BCO1: variants seen among roughly 807,000 people sequenced by gnomAD.
BCO1 encodes the protein beta,beta-carotene 15,15'-dioxygenase.
Under a neutral mutation model 56.3 loss-of-function variants are expected in BCO1, and 54 were observed. The observed-to-expected ratio is 0.96, with a 90% CI of 0.77 to 1.20. BCO1 has a LOEUF of 1.20. BCO1 is among the 50% of genes most tolerant of loss of function. The pLI, the probability that BCO1 is intolerant of heterozygous loss-of-function variation, is 0.00. For missense variants in BCO1, 801 were observed against 690.9 expected, an observed-to-expected ratio of 1.16 and a Z score of -1.79; for synonymous variants, 318 against 266.1, an observed-to-expected ratio of 1.20 and a Z score of -1.90.
At chr16:81,239,220 T>G (rs557482948) in intron 1 of BCO1, among the ~76,000 whole-genome samples, 4 of 151,980 alleles carry the variant, frequency 2.6e-5, no homozygotes, top group Admixed American at 6.6e-5. Flanking sequence ...TTTCAGCATG[T>G]TGGCCAGGCT....
At chr16:81,285,424 C>A in intron 8 of BCO1, 116 bp from the exon 9 acceptor site, 1 of 797,682 alleles carries the variant, frequency 1.3e-6, no homozygotes. Context: ...AAATCAAGCT[C>A]AAGGATCTTG....
intron 2 of BCO1, among the ~76,000 whole-genome samples, chr16:81,246,676 C>T (rs1905437375): frequency 6.6e-6 from 1 of 151,768 alleles, no homozygotes; most frequent in Non-Finnish European, 1.5e-5. Context: ...CATAGCGAAA[C>T]CCCATCTCCA....
intron 5 of BCO1, among the ~76,000 whole-genome samples, chr16:81,266,531 G>A (rs1002688316): frequency 2.6e-5 from 4 of 152,094 alleles, no homozygotes; most frequent in African/African-American, 9.7e-5. Flanking sequence ...ATGAGCCTTC[G>A]AGGTCAGAAG....
chr16:81,263,845 T>TA (rs1195153638), intron 4 of BCO1: 3 of 152,390 alleles, frequency 2.0e-5, no homozygotes, highest in Admixed American at 2.0e-4. Context: ...AACGATCTGT[T>TA]AAAGAGATGA....
intron 5 of BCO1, among the ~76,000 whole-genome samples, chr16:81,266,139 C>T (rs1378785310): frequency 6.6e-6 from 1 of 152,226 alleles, no homozygotes; most frequent in African/African-American, 2.4e-5. Flanking sequence ...AGCCAAGTTT[C>T]CAGGGCTGTT....
At chr16:81,241,999 G>C (rs1369054243) in intron 1 of BCO1, among the ~76,000 whole-genome samples, 1 of 152,056 alleles carries the variant, frequency 6.6e-6, no homozygotes, top group Non-Finnish European at 1.5e-5. Context: ...ACGATTAAGT[G>C]GTTTAATCCA....
In BCO1 at chr16:81,267,892, C is replaced by T; in HGVS notation, c.620-16C>T. On this transcript the variant is annotated splice_polypyrimidine_tract_variant and intron_variant, in intron 5 of 10. Transcript: ENST00000258168. ...GATCCTGCACAATTCCTGAGGCTTG[C>T]TTTTTGTCTTGCTAGAGGGCAAGAA... The T allele has an allele frequency of 1.9e-6, 3 of 1,612,104 alleles. No homozygotes were observed. The highest frequency in any genetic ancestry group is 1.7e-6 in the Non-Finnish European group (2 of 1,178,810).
At chr16:81,248,135 C>A (rs369705778) in intron 2 of BCO1, among the ~76,000 whole-genome samples, 38 of 152,148 alleles carry the variant, frequency 2.5e-4, no homozygotes, top group Admixed American at 2.0e-4. Flanking sequence ...GTCGCGATGG[C>A]TCACACCTGT....
At chr16:81,271,127 T>G (rs536134333) in intron 7 of BCO1, among the ~76,000 whole-genome samples, 195 of 151,718 alleles carry the variant, frequency 1.3e-3, no homozygotes, top group African/African-American at 4.6e-3. Flanking sequence ...TTTTTTTATT[T>G]TTTTTGAGAC....
At chr16:81,285,770 AG>A in intron 9 of BCO1, 136 bp downstream of exon 9, 1 of 735,460 alleles carries the variant, frequency 1.4e-6, no homozygotes, top group Non-Finnish European at 2.4e-6. Context: ...ATAAATTTGA[AG>A]TAAGGATGTT....
At chr16:81,264,332 G>A (rs1349583218) in intron 4 of BCO1, among the ~76,000 whole-genome samples, 1 of 152,204 alleles carries the variant, frequency 6.6e-6, no homozygotes, top group Non-Finnish European at 1.5e-5. Context: ...CAGGCAACAG[G>A]ATTGGAACGA....
At chr16:81,279,399 T>C (rs1050803654) in intron 7 of BCO1, among the ~76,000 whole-genome samples, 3 of 152,152 alleles carry the variant, frequency 2.0e-5, no homozygotes, top group Admixed American at 2.0e-4. Context: ...GCCTAACCCG[T>C]AGTCACCTCC....
intron 2 of BCO1, among the ~76,000 whole-genome samples, chr16:81,248,712 G>T (rs1361058319): frequency 6.6e-6 from 1 of 152,082 alleles, no homozygotes; most frequent in East Asian, 1.9e-4. Context: ...GAACATAGAA[G>T]GTAAATGCAC....
At chr16:81,265,614 A>G (rs1335833335) in intron 5 of BCO1, among the ~76,000 whole-genome samples, 2 of 139,784 alleles carry the variant, frequency 1.4e-5, no homozygotes, top group Non-Finnish European at 3.1e-5. Context: ...CCATCCATCC[A>G]CCCACCCATC....
chr16:81,270,261 G>T lies in BCO1; in HGVS notation c.946G>T (p.Asp316Tyr), dbSNP rs749961967. 17 of 1,614,154 alleles carry T rather than the reference G, an allele frequency of 1.1e-5. No individual in the cohort carries two copies. Among genetic ancestry groups the T allele is most frequent in the Non-Finnish European group, 1.4e-5 (16 of 1,180,042 alleles). ...CCATCACGTCAACGCCTACGAAGAG[G>T]ACGGCTGCATCGTGTTTGACGTCAT... The part of the protein sequence containing the change: ...VFHHVNAYEE[D>Y]GCIVFDVIAY... Residue 316 changes from aspartate (D) to tyrosine (Y), a missense_variant, in exon 7 of 11, where the codon GAC becomes TAC. Transcript: ENST00000258168.
At chr16:81,272,282 T>A (rs1176179359) in intron 7 of BCO1, among the ~76,000 whole-genome samples, 1 of 149,552 alleles carries the variant, frequency 6.7e-6, no homozygotes, top group African/African-American at 2.4e-5. Flanking sequence ...CCTGGCTAAT[T>A]TTTTTTTTGT....
intron 7 of BCO1, among the ~76,000 whole-genome samples, chr16:81,272,544 A>G (rs1907299164): frequency 1.3e-5 from 2 of 152,108 alleles, no homozygotes; most frequent in Admixed American, 6.5e-5. Flanking sequence ...TGCTTACACA[A>G]TTCTCTGATG....
At chr16:81,259,167 T>A (rs1906325074) in intron 2 of BCO1, among the ~76,000 whole-genome samples, 1 of 152,142 alleles carries the variant, frequency 6.6e-6, no homozygotes, top group Non-Finnish European at 1.5e-5. Flanking sequence ...AGCCATACTG[T>A]TGTGAGTCAG....
At chr16:81,275,185 C>T (rs1907477885) in intron 7 of BCO1, among the ~76,000 whole-genome samples, 1 of 152,250 alleles carries the variant, frequency 6.6e-6, no homozygotes, top group South Asian at 2.1e-4. Context: ...TGCCCTTACT[C>T]AGATGCCCTC....
Sources: allele counts gnomAD v4.1 joint callset (sites outside exome capture counted in the v4.1 genomes callset), GRCh38; gene constraint gnomAD v4.1.1; transcripts MANE v1.5; gene names NCBI Gene and HGNC (gene_info 2026-07-23, HGNC 2026-07-21).